The following ACVR1B variants were observed in gnomAD, a reference collection of about 807,000 sequenced individuals.
The protein encoded by ACVR1B is activin A receptor type 1B, also known as activin receptor type-1B.
ACVR1B carries 15 observed loss-of-function variants against 55.6 expected under a neutral mutation model. The observed-to-expected ratio is 0.27, with a 90% CI of 0.18 to 0.42. ACVR1B has a LOEUF of 0.42. ACVR1B is among the 10% of genes least tolerant of loss of function. ACVR1B has a pLI of 1.00. For missense variants in ACVR1B, 359 were observed against 670.1 expected (o/e 0.54, Z 5.13); for synonymous variants, 247 against 254.6 (o/e 0.97, Z 0.28).
chr12:51,981,644 CA>C (rs1941981117), intron 4 of ACVR1B, among the ~76,000 whole-genome samples: 1 of 152,118 alleles, frequency 6.6e-6, no homozygotes, highest in Admixed American at 6.5e-5. Context: ...CCAGCCTGGC[CA>C]ACATGGCAAA....
chr12:51,968,549 G>T (rs1391948442), intron 1 of ACVR1B, among the ~76,000 whole-genome samples: 7 of 152,154 alleles, frequency 4.6e-5, no homozygotes, highest in Non-Finnish European at 8.8e-5. Context: ...TTTCCAATAG[G>T]CAGGGTCTAC....
At chr12:51,989,883 G>C (rs996285885) in intron 7 of ACVR1B, among the ~76,000 whole-genome samples, 1 of 152,116 alleles carries the variant, frequency 6.6e-6, no homozygotes, top group African/African-American at 2.4e-5. Context: ...TACTTGGGAG[G>C]CTGAGGAAGG....
intron 1 of ACVR1B, among the ~76,000 whole-genome samples, 170 bp downstream of exon 1, chr12:51,952,004 G>A (rs1941307439): frequency 6.6e-6 from 1 of 151,830 alleles, no homozygotes. Context: ...CCCGATCTCC[G>A]AGGCGCAGCC....
chr12:51,953,327 G>A, intron 1 of ACVR1B: 2 of 985,344 alleles, frequency 2.0e-6, no homozygotes, highest in Non-Finnish European at 2.4e-6. Context: ...CTCCGGCTTT[G>A]ATATTTGTTC....
At chr12:51,980,820 G>A (rs762147910) in intron 3 of ACVR1B, 149 bp from the exon 4 acceptor site, 66 of 646,596 alleles carry the variant, frequency 1.0e-4, no homozygotes, top group Non-Finnish European at 1.5e-4. Context: ...CTAGAAATGT[G>A]TATGGGCAGC....
chr12:51,951,851 G>T lies in ACVR1B; in HGVS notation c.91+17G>T. On this transcript the variant is annotated intron_variant, in intron 1 of 8. Coordinates refer to ENST00000257963, the MANE Select transcript of ACVR1B (RefSeq NM_004302.5). ...GGGTCCAGGGTGAGTCCTGGGACGG[G>T]GGGCGGGGGCCGGGATGGAGAGGGC... 1 of 1,258,974 alleles carries T rather than the reference G, an allele frequency of 7.9e-7. No homozygotes were observed. The highest frequency in any genetic ancestry group is 3.8e-5 in the South Asian group (1 of 26,650). The allele number at this position is 1,258,974 out of a possible 1,614,324, so 78.0% of individuals were successfully genotyped here. A position where few individuals can be genotyped will look rare whatever the true frequency, so the allele number is the denominator to read the frequency against.
chr12:51,991,090 T>A (rs554904904), intron 7 of ACVR1B, among the ~76,000 whole-genome samples: 114 of 152,352 alleles, frequency 7.5e-4, no homozygotes, highest in African/African-American at 2.7e-3. Flanking sequence ...TTGGTTCCCA[T>A]GATATATAGT....
At chr12:51,963,612 T>C (rs1027176781) in intron 1 of ACVR1B, among the ~76,000 whole-genome samples, 1 of 152,252 alleles carries the variant, frequency 6.6e-6, no homozygotes, top group Admixed American at 6.5e-5. Context: ...TCATCTATAT[T>C]ATAGCACGTA....
At chr12:51,987,751 G>T (rs1344657544) in intron 7 of ACVR1B, 1 of 152,500 alleles carries the variant, frequency 6.6e-6, no homozygotes, top group African/African-American at 2.4e-5. Flanking sequence ...TTCCTGAAGC[G>T]TTCCATATTT....
chr12:51,951,850 G>A lies in ACVR1B; in HGVS notation c.91+16G>A, dbSNP rs767970155. ...GGGGTCCAGGGTGAGTCCTGGGACG[G>A]GGGGCGGGGGCCGGGATGGAGAGGG... On this transcript the variant is annotated intron_variant, in intron 1 of 8. Coordinates refer to ENST00000257963, the MANE Select transcript of ACVR1B (RefSeq NM_004302.5). 10 of 1,257,860 alleles carry A rather than the reference G, an allele frequency of 8.0e-6. No individual in the cohort carries two copies. Among genetic ancestry groups the A allele is most frequent in the Non-Finnish European group, 1.0e-5 (10 of 991,362 alleles). The allele number at this position is 1,257,860 out of a possible 1,614,324, so 77.9% of individuals were successfully genotyped here.
intron 1 of ACVR1B, among the ~76,000 whole-genome samples, chr12:51,953,139 T>A (rs1002264292): frequency 2.0e-5 from 3 of 152,180 alleles, no homozygotes; most frequent in Non-Finnish European, 4.4e-5. Flanking sequence ...CAAAGCCTGA[T>A]GCTTTGACTT....
rs548242862 is a variant in ACVR1B at position 51,980,528 on chromosome 12, G to A, written c.581-441G>A. Among the ~76,000 whole-genome samples the A allele has an allele frequency of 7.2e-5, 11 of 152,284 alleles. No individual in the cohort carries two copies. The East Asian group carries it at 2.1e-3, about 29-fold the overall frequency. On this transcript the variant is annotated intron_variant, in intron 3 of 8. Transcript: ENST00000257963. ...AGCACTGCCCTCTAGTGGCTAATAA[G>A]CAGAACAGCCAGAAGGTGGCCCCCA... is the stretch of plus-strand genomic sequence containing the variant.
At chr12:51,975,591 C>T in intron 2 of ACVR1B, 87 bp downstream of exon 2, 1 of 1,500,028 alleles carries the variant, frequency 6.7e-7, no homozygotes, top group Non-Finnish European at 9.0e-7. Context: ...TGCCCACTCA[C>T]TTGGTTTGAC....
chr12:51,956,355 T>A (rs187090121), intron 1 of ACVR1B, among the ~76,000 whole-genome samples: 2 of 152,326 alleles, frequency 1.3e-5, no homozygotes, highest in East Asian at 3.9e-4. Flanking sequence ...ATTCATTGGA[T>A]TGGGTATGTG....
chr12:51,993,383 G>T (rs1942231543), intron 8 of ACVR1B, among the ~76,000 whole-genome samples: 1 of 152,178 alleles, frequency 6.6e-6, no homozygotes, highest in South Asian at 2.1e-4. Flanking sequence ...AACCCTCAGG[G>T]CAGGGTTTGC....
intron 1 of ACVR1B, among the ~76,000 whole-genome samples, chr12:51,963,399 C>A (rs932364577): frequency 4.1e-4 from 63 of 152,264 alleles, no homozygotes; most frequent in African/African-American, 1.4e-3. Context: ...CATGCGCCAC[C>A]GCGCCCAGTT....
chr12:51,973,709 A>G (rs982501570), intron 1 of ACVR1B, among the ~76,000 whole-genome samples: 8 of 152,164 alleles, frequency 5.3e-5, no homozygotes, highest in Non-Finnish European at 1.0e-4. Flanking sequence ...AAATAACACT[A>G]CCCAAACTCT....
intron 1 of ACVR1B, among the ~76,000 whole-genome samples, chr12:51,956,771 C>G (rs1400550600): frequency 6.7e-6 from 1 of 149,976 alleles, no homozygotes; most frequent in South Asian, 2.1e-4. Context: ...CTTTTTTTTT[C>G]TTTTTTTGAG....
At chr12:51,987,998 T>TA (rs1269168144) in intron 7 of ACVR1B, among the ~76,000 whole-genome samples, 10 of 152,248 alleles carry the variant, frequency 6.6e-5, no homozygotes, top group African/African-American at 1.9e-4. Flanking sequence ...AATTAAAAAT[T>TA]AAAAAAATCT....
Sources: allele counts gnomAD v4.1 joint callset (sites outside exome capture counted in the v4.1 genomes callset), GRCh38; gene constraint gnomAD v4.1.1; transcripts MANE v1.5; gene names NCBI Gene and HGNC (gene_info 2026-07-23, HGNC 2026-07-21).